The following TYMS variants were observed in gnomAD, a reference collection of about 807,000 sequenced individuals.
TYMS encodes the protein thymidylate synthetase, also known as thymidylate synthase.
Under a neutral mutation model 39.3 loss-of-function variants are expected in TYMS, and 21 were observed. The ratio of observed to expected loss-of-function variants is 0.54; its 90% CI spans 0.38 to 0.77. The LOEUF is 0.77. TYMS is among the 30% of genes least tolerant of loss of function. The probability of loss-of-function intolerance (pLI) is 0.00; values close to 1 mark genes in which losing one functional copy is unlikely to be tolerated. For missense variants in TYMS, 273 were observed against 406.7 expected (o/e 0.67, Z 2.83); for synonymous variants, 171 against 162.2 (o/e 1.05, Z -0.41).
At chr18:662,720 T>C (rs2074770047) in intron 3 of TYMS, among the ~76,000 whole-genome samples, 1 of 151,494 alleles carries the variant, frequency 6.6e-6, no homozygotes, top group Admixed American at 6.6e-5. Flanking sequence ...TGTGTCCATA[T>C]GTTCTCGTTG....
chr18:658,262 C>T lies in TYMS; in HGVS notation c.205+315C>T. The T allele has an allele frequency of 6.9e-7, 1 of 1,459,140 alleles. No homozygotes were observed. Among genetic ancestry groups the T allele is most frequent in the Non-Finnish European group, 9.2e-7 (1 of 1,087,978 alleles). 90.4% of individuals were successfully genotyped at this position (1,459,140 alleles called of 1,614,324 possible). A position where few individuals can be genotyped will look rare whatever the true frequency, so the allele number is the denominator to read the frequency against. ...GCGGGCGTCATCGGGCAGCGTTTGC[C>T]CAGTGCTGGAGGGTTAGGGAGAGCT... On this transcript the variant is annotated intron_variant, in intron 1 of 6. Transcript: ENST00000323274. This position sits in a 1 kb window ranked among gnomAD's most constrained non-coding sequence, Gnocchi z 4.5.
intron 6 of TYMS, chr18:671,713 G>C (rs538927422): frequency 8.1e-6 from 4 of 496,478 alleles, no homozygotes; most frequent in Middle Eastern, 5.0e-4. Flanking sequence ...CAAGCCAGGG[G>C]ATTGTCCAAA....
Position 672,842 on chromosome 18 carries a change from G to T in TYMS, c.805-18G>T. ...GTCGTACAATTATGGCAAAATAATG[G>T]CCTTATTTTGTTTTTAGCTTCAGCG... On this transcript the variant is annotated intron_variant, in intron 6 of 6. Transcript: ENST00000323274. The T allele has an allele frequency of 6.5e-7, 1 of 1,547,428 alleles. No homozygotes were observed. Among genetic ancestry groups the T allele is most frequent in the Non-Finnish European group, 8.8e-7 (1 of 1,132,518 alleles).
In TYMS at chr18:670,618, C is replaced by T. The variant is rs116411920; in HGVS notation, c.557-74C>T. 7,131 of 1,533,504 alleles carry T rather than the reference C, an allele frequency of 4.7e-3. 298 individuals carry two copies. In the African/African-American group the frequency reaches 0.085, roughly 18 times the overall value. 95.0% of individuals were successfully genotyped at this position (1,533,504 alleles called of 1,614,324 possible). A position where few individuals can be genotyped will look rare whatever the true frequency, so the allele number is the denominator to read the frequency against. ...CATATGAGTTGGCTTCTGTTTCTCT[C>T]CTGTTTTACTTTGCCTTTAGCTGTG... On this transcript the variant is annotated intron_variant, in intron 4 of 6. Transcript: ENST00000323274.
At chr18:667,571 A>ATGGAGATGGT (rs1368458016) in intron 3 of TYMS, 2 of 27,968 alleles carry the variant, frequency 7.2e-5, no homozygotes, top group Admixed American at 3.4e-4. Flanking sequence ...ATGGTGATGG[A>ATGGAGATGGT]GATGGTGATG....
chr18:664,323 G>C (rs1226257625), intron 3 of TYMS, among the ~76,000 whole-genome samples: 1 of 150,254 alleles, frequency 6.7e-6, no homozygotes, highest in Non-Finnish European at 1.5e-5. Flanking sequence ...CTGTTTGTCT[G>C]TTATTGGTGT....
At position 670,632 on chromosome 18, in the gene TYMS, C is replaced by T. The variant is rs749803779; in HGVS notation, c.557-60C>T. On this transcript the variant is annotated intron_variant, in intron 4 of 6. Coordinates refer to ENST00000323274, the MANE Select transcript of TYMS (RefSeq NM_001071.4). The stretch of plus-strand genomic sequence containing the variant: ...TCTGTTTCTCTCCTGTTTTACTTTG[C>T]CTTTAGCTGTGGTCTTTCAAACCAC... 2.2e-4 allele frequency: 351 copies of T among 1,579,784 alleles called. 1 individual carries two copies. Among genetic ancestry groups the T allele is most frequent in the Non-Finnish European group, 2.9e-4 (334 of 1,157,546 alleles).
rs58489074 is a variant in TYMS at position 671,785 on chromosome 18, C to CTT, written c.804+343_804+344dup. ...TTGAAGTGCAAATGTTTTTCCTTTTCTTTTTTTTTTGAGATGGAGTCTTTC... is the reference window on the plus strand; with the variant it reads ...TTGAAGTGCAAATGTTTTTCCTTTTCTTTTTTTTTTTTGAGATGGAGTCTTTC... On this transcript the variant is annotated intron_variant, in intron 6 of 6. Transcript: ENST00000323274. 9.8e-3 allele frequency: 2,407 copies of CTT among 245,432 alleles called. 36 individuals are homozygous for CTT. Among genetic ancestry groups the CTT allele is most frequent in the African/African-American group, 0.041 (1,735 of 42,074 alleles). The allele number at this position is 245,432 out of a possible 1,614,324, so 15.2% of individuals were successfully genotyped here. A position where few individuals can be genotyped will look rare whatever the true frequency, so the allele number is the denominator to read the frequency against.
In TYMS at chr18:665,236, T is replaced by A. The variant is rs1256177625; in HGVS notation, c.454+2916T>A. On this transcript the variant is annotated intron_variant, in intron 3 of 6. Coordinates refer to ENST00000323274, the MANE Select transcript of TYMS (RefSeq NM_001071.4). ...ATTCAGAGATTCAACTTCTTCCTGG[T>A]TTAGTCTTGGGAGAGTGTATGTGTC... Among the ~76,000 whole-genome samples, 149 of 151,102 alleles carry A rather than the reference T, an allele frequency of 9.9e-4. No individual in the cohort carries two copies. The Middle Eastern group carries it at 0.01, about 10-fold the overall frequency.
chr18:672,852 GT>G lies in TYMS; in HGVS notation c.805-3del. 3.2e-6 allele frequency: 5 copies of G among 1,555,190 alleles called. No homozygotes were observed. The highest frequency in any genetic ancestry group is 1.8e-6 in the Non-Finnish European group (2 of 1,137,770). On this transcript the variant is annotated splice_region_variant and splice_polypyrimidine_tract_variant and intron_variant, in intron 6 of 6. Transcript: ENST00000323274. ...TATGGCAAAATAATGGCCTTATTTT[GT>G]TTTTAGCTTCAGCGAGAACCCAGAC...
Position 657,814 on chromosome 18 carries a change from G to T in TYMS, c.72G>T (p.Pro24=). ...PPAAQERDAE[P]RPPHGELQYL... ...CCGCACAGGAGCGGGACGCCGAGCC[G>T]CGTCCGCCGCACGGGGAGCTGCAGT... The change falls in exon 1 of 7, where the codon CCG becomes CCT. Residue 24 remains proline (P), a synonymous_variant. Transcript: ENST00000323274. 6.8e-7 allele frequency: 1 copy of T among 1,464,488 alleles called. No homozygotes were observed. Among genetic ancestry groups the T allele is most frequent in the Non-Finnish European group, 9.0e-7 (1 of 1,115,666 alleles). 90.7% of individuals were successfully genotyped at this position (1,464,488 alleles called of 1,614,324 possible). A position where few individuals can be genotyped will look rare whatever the true frequency, so the allele number is the denominator to read the frequency against.
In TYMS at chr18:669,112, T is replaced by A; in HGVS notation, c.495T>A (p.Ile165=). Residue 165 remains isoleucine (I), a synonymous_variant, in exon 4 of 7, where the codon ATT becomes ATA. Coordinates refer to ENST00000323274, the MANE Select transcript of TYMS (RefSeq NM_001071.4). ...GQGVDQLQRV[I]DTIKTNPDDR... ...GAGTTGACCAACTGCAAAGAGTGAT[T>A]GACACCATCAAAACCAACCCTGACG... The A allele has an allele frequency of 6.2e-7, 1 of 1,614,200 alleles. No individual in the cohort carries two copies. Among genetic ancestry groups the A allele is most frequent in the Non-Finnish European group, 8.5e-7 (1 of 1,180,022 alleles).
At position 671,434 on chromosome 18, in the gene TYMS, G is replaced by C. The variant is rs780321607; in HGVS notation, c.787G>C (p.Glu263Gln). The C allele has an allele frequency of 6.2e-7, 1 of 1,610,234 alleles. No individual in the cohort carries two copies. Among genetic ancestry groups the C allele is most frequent in the Non-Finnish European group, 8.5e-7 (1 of 1,178,264 alleles). ...GDAHIYLNHI[E>Q]PLKIQLQREP... ...TGCACATATTTACCTGAATCACATCGAGCCACTGAAAATTCAGGTAAGAAT... is the reference window on the plus strand; with the variant it reads ...TGCACATATTTACCTGAATCACATCCAGCCACTGAAAATTCAGGTAAGAAT... The change falls in exon 6 of 7, where the codon GAG (glutamate) becomes CAG (glutamine). Residue 263 changes from glutamate to glutamine, a missense_variant. Coordinates refer to ENST00000323274, the MANE Select transcript of TYMS (RefSeq NM_001071.4).
chr18:673,279 T>C lies in TYMS; in HGVS notation c.*282T>C, dbSNP rs1355098695. 6 of 278,418 alleles carry C rather than the reference T, an allele frequency of 2.2e-5. No individual in the cohort carries two copies. The highest frequency in any genetic ancestry group is 3.4e-5 in the Non-Finnish European group (5 of 148,168). The allele number at this position is 278,418 out of a possible 1,614,324, so 17.2% of individuals were successfully genotyped here. ...AATGTATGTGCTCTTAGCAAAAACATGTATGTGCATTTCAATCCCACGTAC... is the reference window on the plus strand; with the variant it reads ...AATGTATGTGCTCTTAGCAAAAACACGTATGTGCATTTCAATCCCACGTAC... On this transcript the variant is annotated 3_prime_UTR_variant, in exon 7 of 7. Coordinates refer to ENST00000323274, the MANE Select transcript of TYMS (RefSeq NM_001071.4).
chr18:657,969 G>A (rs745703243), intron 1 of TYMS, 22 bp downstream of exon 1: 127 of 1,509,226 alleles, frequency 8.4e-5, no homozygotes, highest in Non-Finnish European at 1.1e-4. Flanking sequence ...GGCCCCTGCG[G>A]GACGGGTGGC....
chr18:665,129 CTG>C (rs1007708923), intron 3 of TYMS, among the ~76,000 whole-genome samples: 1 of 149,370 alleles, frequency 6.7e-6, no homozygotes, highest in Non-Finnish European at 1.5e-5. Context: ...TAGAATTCGG[CTG>C]TGAATCCATC....
chr18:668,534 C>CTAAAG (rs1305872956), intron 3 of TYMS, among the ~76,000 whole-genome samples: 2 of 152,088 alleles, frequency 1.3e-5, no homozygotes, highest in Admixed American at 6.6e-5. Flanking sequence ...CTGCTAAACT[C>CTAAAG]TAAAGTAATT....
In TYMS at chr18:669,145, A is replaced by C. The variant is rs767209304; in HGVS notation, c.528A>C (p.Arg176Ser). The C allele has an allele frequency of 3.5e-5, 57 of 1,613,410 alleles. No homozygotes were observed. The highest frequency in any genetic ancestry group is 4.7e-5 in the Non-Finnish European group (55 of 1,179,432). The change falls in exon 4 of 7, where the codon AGA becomes AGC. Residue 176 changes from arginine (R) to serine (S), a missense_variant. Around this residue, in one of 3 missense-constraint regions of TYMS, gnomAD observed 228 missense variants for 326.1 expected, o/e 0.70. Coordinates refer to ENST00000323274, the MANE Select transcript of TYMS (RefSeq NM_001071.4). ...TCAAAACCAACCCTGACGACAGAAG[A>C]ATCATCATGTGCGCTTGGAATCCAA... Reference protein sequence around the residue: ...DTIKTNPDDRRIIMCAWNPRD... With the variant: ...DTIKTNPDDRSIIMCAWNPRD...
chr18:669,296 A>T (rs201631829), intron 4 of TYMS, 123 bp downstream of exon 4: 8 of 247,902 alleles, frequency 3.2e-5, no homozygotes, highest in Non-Finnish European at 4.2e-5. Flanking sequence ...CACATGGTTG[A>T]TTGTGTGACG....
Sources: gnomAD v4.1 joint callset for allele counts (sites outside exome capture counted in the v4.1 genomes callset) on GRCh38, gnomAD v4.1.1 for gene constraint, gnomAD v4.1.1 regional missense constraint, Gnocchi (gnomAD v3.1) non-coding constraint, MANE v1.5 for transcripts, NCBI Gene and HGNC (gene_info 2026-07-23, HGNC 2026-07-21) for gene names.